RERE: variants seen among roughly 807,000 people sequenced by gnomAD.
The protein encoded by RERE is arginine-glutamic acid dipeptide repeats protein.
A neutral mutation model predicts 146.1 loss-of-function variants in RERE; 40 were observed. That is an observed-to-expected ratio of 0.27 (90% CI 0.21 to 0.36). The LOEUF is 0.36. Among genes scored for constraint, RERE ranks in the 10% least tolerant of loss-of-function variants. The pLI is 1.00. For synonymous variants in RERE, 1,003 were observed against 866.0 expected (o/e 1.16, Z -2.78); for missense variants, 1,933 against 2,138.7 (o/e 0.90, Z 1.90).
At chr1:8,814,857 A>G (rs1174233840) in intron 1 of RERE, among the ~76,000 whole-genome samples, 1 of 152,224 alleles carries the variant, frequency 6.6e-6, no homozygotes, top group African/African-American at 2.4e-5. Flanking sequence ...CAAAGTGTAA[A>G]TACTTCTGGT....
Position 8,511,439 on chromosome 1 carries a change from A to G in RERE, c.831-2764T>C, listed in dbSNP as rs554949750. Among the ~76,000 whole-genome samples the G allele has an allele frequency of 2.0e-5, 3 of 152,374 alleles. No homozygotes were observed. In the South Asian group the frequency reaches 6.2e-4, roughly 32 times the overall value. On this transcript the variant is annotated intron_variant, in intron 7 of 22. Coordinates refer to ENST00000400908, the MANE Select transcript of RERE (RefSeq NM_001042681.2). ...AAATATCAGGGTTCTATAGCAAGAA[A>G]TACAACAAAGTTCTTTTTGAGCAGG...
chr1:8,567,024 C>T (rs113531586), intron 4 of RERE, among the ~76,000 whole-genome samples: 2 of 152,188 alleles, frequency 1.3e-5, no homozygotes, highest in Non-Finnish European at 2.9e-5. Context: ...CTCCAGACCT[C>T]GTGATCCGCC....
chr1:8,651,125 G>C (rs774778631), intron 2 of RERE, among the ~76,000 whole-genome samples: 8 of 151,996 alleles, frequency 5.3e-5, no homozygotes, highest in Non-Finnish European at 1.2e-4. Context: ...TTAAAAACTA[G>C]TAATTTGGCC....
In RERE at chr1:8,352,496, G is replaced by C. The variant is rs41278970; in HGVS notation, c.*2591C>G. The C allele has an allele frequency of 2.6e-3, 400 of 152,558 alleles. 3 individuals carry two copies. The highest frequency in any genetic ancestry group is 3.0e-3 in the Non-Finnish European group (205 of 68,024). The allele number at this position is 152,558 out of a possible 1,614,324, so 9.5% of individuals were successfully genotyped here. On this transcript the variant is annotated 3_prime_UTR_variant, in exon 23 of 23. Coordinates refer to ENST00000400908, the MANE Select transcript of RERE (RefSeq NM_001042681.2). ...AGAGAACACAGAAGTCACGATTTCT[G>C]GGTGTCTACTGTTTACACTGTGTTA...
chr1:8,368,863 C>T (rs1047094248), intron 12 of RERE, among the ~76,000 whole-genome samples: 1 of 151,774 alleles, frequency 6.6e-6, no homozygotes, highest in Non-Finnish European at 1.5e-5. Context: ...GAGTTCAAGA[C>T]CAGCCTGGGC....
intron 2 of RERE, among the ~76,000 whole-genome samples, chr1:8,628,944 T>C (rs1476519769): frequency 1.3e-5 from 2 of 152,168 alleles, no homozygotes; most frequent in African/African-American, 4.8e-5. Context: ...TATACTTCTT[T>C]TTTTATTAGA....
chr1:8,594,833 G>A lies in RERE; in HGVS notation c.522+19728C>T, dbSNP rs1265598934. 2.6e-5 allele frequency among the ~76,000 whole-genome samples: 4 copies of A among 152,094 alleles called. No homozygotes were observed. The East Asian group carries it at 5.8e-4, about 22-fold the overall frequency. Reference sequence around the variant, plus strand: ...AGAGAGCCATCCCCACTCACTTCCAGGAGGCCCTGATGAGCAAAAGCATAT... The same window carrying A: ...AGAGAGCCATCCCCACTCACTTCCAAGAGGCCCTGATGAGCAAAAGCATAT... On this transcript the variant is annotated intron_variant, in intron 4 of 22. Coordinates refer to ENST00000400908, the MANE Select transcript of RERE (RefSeq NM_001042681.2).
intron 1 of RERE, among the ~76,000 whole-genome samples, chr1:8,696,529 G>A (rs528743785): frequency 5.6e-4 from 85 of 152,226 alleles, no homozygotes; most frequent in Non-Finnish European, 1.0e-3. Context: ...CAAAAGAATC[G>A]CTTGCACCCG....
chr1:8,698,223 T>A (rs939730881), intron 1 of RERE, among the ~76,000 whole-genome samples: 3 of 152,224 alleles, frequency 2.0e-5, no homozygotes, highest in Non-Finnish European at 4.4e-5. Flanking sequence ...GTTATCTGCT[T>A]CTGTATGTAA....
chr1:8,669,179 A>AAGCAATAC (rs1638655142), intron 1 of RERE, among the ~76,000 whole-genome samples: 1 of 146,990 alleles, frequency 6.8e-6, no homozygotes, highest in African/African-American at 2.5e-5. Flanking sequence ...CTCAAGCAAT[A>AAGCAATAC]CCCCCCCCAA....
rs542725567 is a variant in RERE, at chr1:8,622,948, G to A, written c.396+1362C>T. On this transcript the variant is annotated intron_variant, in intron 3 of 22. Coordinates refer to ENST00000400908, the MANE Select transcript of RERE (RefSeq NM_001042681.2). ...ATATTGTCAAATTACAAAGGGTGTT[G>A]GAAATAAGAGCATTCACAGATAGTG... 6.6e-5 allele frequency among the ~76,000 whole-genome samples: 10 copies of A among 152,114 alleles called. No individual in the cohort carries two copies. In the South Asian group the frequency reaches 2.1e-3, roughly 32 times the overall value.
chr1:8,706,453 G>A (rs1394027000), intron 1 of RERE, among the ~76,000 whole-genome samples: 3 of 152,170 alleles, frequency 2.0e-5, no homozygotes, highest in East Asian at 1.9e-4. Flanking sequence ...AGAAGCCATC[G>A]CTAGTTTATT....
chr1:8,622,486 T>TA (rs1167355778), intron 3 of RERE, among the ~76,000 whole-genome samples: 973 of 43,076 alleles, frequency 0.023, 21 homozygotes, highest in Middle Eastern at 0.067. Context: ...TGTATCTGTT[T>TA]AAAAAAAAAA....
chr1:8,694,976 G>GGT (rs981743428), intron 1 of RERE, among the ~76,000 whole-genome samples: 4 of 136,858 alleles, frequency 2.9e-5, no homozygotes, highest in East Asian at 2.1e-4. Flanking sequence ...AATCCTAAGG[G>GGT]GGGGGGGGGA....
At chr1:8,403,859 T>A (rs1643354777) in intron 12 of RERE, among the ~76,000 whole-genome samples, 2 of 135,294 alleles carry the variant, frequency 1.5e-5, no homozygotes, top group South Asian at 4.8e-4. Flanking sequence ...GAGATGGGAG[T>A]CTCACTCTGT....
intron 12 of RERE, among the ~76,000 whole-genome samples, chr1:8,398,166 A>G (rs1643119335): frequency 6.6e-6 from 1 of 152,266 alleles, no homozygotes; most frequent in South Asian, 2.1e-4. Flanking sequence ...ATGGAGTAAC[A>G]GAAGGGCAGG....
intron 7 of RERE, among the ~76,000 whole-genome samples, chr1:8,537,333 C>T (rs1238469851): frequency 6.6e-6 from 1 of 152,158 alleles, no homozygotes; most frequent in Non-Finnish European, 1.5e-5. Flanking sequence ...TTTAGCACTA[C>T]AGCAAATATA....
chr1:8,479,136 G>C (rs1644798235), intron 10 of RERE, among the ~76,000 whole-genome samples: 1 of 152,044 alleles, frequency 6.6e-6, no homozygotes, highest in East Asian at 1.9e-4. Flanking sequence ...TGTAATCCCA[G>C]CACTTTCAGA....
intron 3 of RERE, among the ~76,000 whole-genome samples, chr1:8,616,130 T>C (rs369438428): frequency 1.3e-5 from 2 of 152,360 alleles, no homozygotes; most frequent in East Asian, 3.9e-4. Flanking sequence ...TTCTGGATAA[T>C]CTCTTCCACT....
Sources: gnomAD v4.1 joint callset for allele counts (sites outside exome capture counted in the v4.1 genomes callset) on GRCh38, gnomAD v4.1.1 for gene constraint, MANE v1.5 for transcripts, NCBI Gene and HGNC (gene_info 2026-07-23, HGNC 2026-07-21) for gene names.